The following PAG1 variants were observed in gnomAD, a reference collection of about 807,000 sequenced individuals.
PAG1 encodes the protein phosphoprotein associated with glycosphingolipid-enriched microdomains 1.
A neutral mutation model predicts 31.7 loss-of-function variants in PAG1; 23 were observed. The observed-to-expected ratio is 0.73, with a 90% CI of 0.52 to 1.03. The LOEUF (loss-of-function observed/expected upper bound fraction) is 1.03, where lower values mean the gene tolerates loss of function less well. PAG1 is among the 50% of genes least tolerant of loss of function. The pLI is 0.00. For missense variants in PAG1, 473 were observed against 540.7 expected (o/e 0.87, Z 1.24); for synonymous variants, 214 against 210.3 (o/e 1.02, Z -0.15).
At chr8:81,043,812 G>A (rs1228336527) in intron 2 of PAG1, among the ~76,000 whole-genome samples, 2 of 152,132 alleles carry the variant, frequency 1.3e-5, no homozygotes, top group Non-Finnish European at 2.9e-5. Context: ...GTATGTAATG[G>A]TAAAAGGGAA....
chr8:81,064,216 G>T (rs1005397654), intron 2 of PAG1, among the ~76,000 whole-genome samples: 1 of 152,160 alleles, frequency 6.6e-6, no homozygotes, highest in Admixed American at 6.5e-5. Context: ...GGGGAGTGGG[G>T]ATGTTTTCGG....
rs1440928610 is a variant in PAG1 at position 81,054,915 on chromosome 8, A to AGC, written c.-175+15196_-175+15197insGC. ...ATGAAGACTGGATGGGAGAAGGGGG[A>AGC]AACTTTTATCACTGCCCTTGGTGGG... On this transcript the variant is annotated intron_variant, in intron 2 of 8. Transcript: ENST00000220597. Among the ~76,000 whole-genome samples the AGC allele has an allele frequency of 8.1e-4, 123 of 152,080 alleles. No homozygotes were observed. In the East Asian group the frequency reaches 0.023, roughly 28 times the overall value.
chr8:81,059,580 C>G (rs991825888), intron 2 of PAG1, among the ~76,000 whole-genome samples: 4 of 152,048 alleles, frequency 2.6e-5, no homozygotes, highest in Non-Finnish European at 4.4e-5. Flanking sequence ...TGTAAACTAC[C>G]TGCAATTATG....
At chr8:81,078,253 G>C (rs112595185) in intron 1 of PAG1, among the ~76,000 whole-genome samples, 3,213 of 152,212 alleles carry the variant, frequency 0.021, 62 homozygotes, top group African/African-American at 0.04. Context: ...TATTACTAAA[G>C]ACATTTTGTA....
intron 3 of PAG1, chr8:81,029,744 C>T (rs1371598185): frequency 6.6e-6 from 1 of 152,180 alleles, no homozygotes; most frequent in Admixed American, 6.5e-5. Context: ...TTCTTTCCTC[C>T]TCATTTCCCA....
intron 2 of PAG1, among the ~76,000 whole-genome samples, chr8:81,043,962 T>TTC (rs1808598806): frequency 6.6e-6 from 1 of 152,002 alleles, no homozygotes; most frequent in African/African-American, 2.4e-5. Flanking sequence ...CAGATTTCTT[T>TTC]TTCTTCTTCT....
At chr8:80,988,288 G>A (rs1312317931) in intron 5 of PAG1, among the ~76,000 whole-genome samples, 5 of 152,170 alleles carry the variant, frequency 3.3e-5, no homozygotes, top group Non-Finnish European at 7.3e-5. Flanking sequence ...CATGCTATGA[G>A]AAACGTGGAA....
intron 1 of PAG1, among the ~76,000 whole-genome samples, chr8:81,086,526 T>C (rs1809361420): frequency 6.6e-6 from 1 of 151,926 alleles, no homozygotes; most frequent in Non-Finnish European, 1.5e-5. Context: ...TGTGTGTGTG[T>C]GCATAAAAGG....
intron 2 of PAG1, among the ~76,000 whole-genome samples, chr8:81,044,414 T>G (rs909897979): frequency 6.6e-6 from 1 of 152,148 alleles, no homozygotes; most frequent in Non-Finnish European, 1.5e-5. Context: ...TCTGAAGCCA[T>G]AGGCAAAGGC....
chr8:81,026,739 G>A (rs1471803779), intron 3 of PAG1, among the ~76,000 whole-genome samples: 1 of 152,130 alleles, frequency 6.6e-6, no homozygotes, highest in Non-Finnish European at 1.5e-5. Flanking sequence ...CCCTGCACAC[G>A]AAGGTGTCTT....
intron 2 of PAG1, among the ~76,000 whole-genome samples, chr8:81,064,670 T>C (rs1563648299): frequency 6.6e-6 from 1 of 150,926 alleles, no homozygotes; most frequent in South Asian, 2.1e-4. Flanking sequence ...GTGCTTTTCA[T>C]GTCAGGCACC....
At chr8:81,057,235 A>T (rs1808839110) in intron 2 of PAG1, among the ~76,000 whole-genome samples, 1 of 152,196 alleles carries the variant, frequency 6.6e-6, no homozygotes, top group African/African-American at 2.4e-5. Flanking sequence ...TACTCAAAGG[A>T]CTATAAATCA....
At chr8:81,005,858 A>AT (rs763002594) in intron 3 of PAG1, among the ~76,000 whole-genome samples, 1 of 152,112 alleles carries the variant, frequency 6.6e-6, no homozygotes, top group Non-Finnish European at 1.5e-5. Flanking sequence ...CTTGTAACAC[A>AT]TGGGGCAATT....
intron 1 of PAG1, among the ~76,000 whole-genome samples, chr8:81,071,483 C>A (rs1809092462): frequency 6.6e-6 from 1 of 152,188 alleles, no homozygotes; most frequent in Non-Finnish European, 1.5e-5. Flanking sequence ...TGGGAAATTT[C>A]CCCACCAGTC....
At chr8:81,036,620 C>A (rs1247297793) in intron 2 of PAG1, among the ~76,000 whole-genome samples, 1 of 152,184 alleles carries the variant, frequency 6.6e-6, no homozygotes, top group Non-Finnish European at 1.5e-5. Context: ...GGCTATGATG[C>A]ACTGTGCAAT....
At chr8:81,057,180 G>A (rs1173999263) in intron 2 of PAG1, among the ~76,000 whole-genome samples, 2 of 152,100 alleles carry the variant, frequency 1.3e-5, no homozygotes, top group Non-Finnish European at 2.9e-5. Flanking sequence ...CAAGGGTCTA[G>A]AACTAGAAAT....
At chr8:80,993,385 C>G (rs1807600837) in intron 3 of PAG1, 78 bp from the exon 4 acceptor site, 2 of 711,426 alleles carry the variant, frequency 2.8e-6, no homozygotes, top group Non-Finnish European at 4.4e-6. Flanking sequence ...CTGTCAGGAG[C>G]AAGACCTTTG....
At chr8:81,084,688 C>T (rs1249786908) in intron 1 of PAG1, among the ~76,000 whole-genome samples, 2 of 152,064 alleles carry the variant, frequency 1.3e-5, no homozygotes, top group South Asian at 2.1e-4. Flanking sequence ...ACAGGTCTTA[C>T]GTAAGATTAT....
In PAG1 at chr8:80,985,312, C is replaced by A. The variant is rs761000694; in HGVS notation, c.340G>T (p.Asp114Tyr). The A allele has an allele frequency of 1.9e-6, 3 of 1,614,126 alleles. No individual in the cohort carries two copies. The highest frequency in any genetic ancestry group is 1.1e-5 in the South Asian group (1 of 91,062). ...HYEEVQTSAS[D>Y]LLDSQDSTGK... ...GTGCTGTCCTGGGAATCCAGCAGAT[C>A]CGAGGCCGATGTCTGGACTTCCTCG... The change falls in exon 7 of 9, where the codon GAT becomes TAT. Residue 114 changes from aspartate to tyrosine, a missense_variant. Asp to Tyr is a radical substitution (Grantham distance 160). Coordinates refer to ENST00000220597, the MANE Select transcript of PAG1 (RefSeq NM_018440.4).
Sources: gnomAD v4.1 joint callset for allele counts (sites outside exome capture counted in the v4.1 genomes callset) on GRCh38, gnomAD v4.1.1 for gene constraint, MANE v1.5 for transcripts, NCBI Gene and HGNC (gene_info 2026-07-23, HGNC 2026-07-21) for gene names.